Variants in OCA2 observed in about 807,000 individuals in gnomAD.
OCA2 encodes P protein.
In OCA2, 77 loss-of-function variants were observed where a neutral mutation model predicts 100.2. The observed-to-expected ratio is 0.77, with a 90% confidence interval of 0.64 to 0.93. The LOEUF (loss-of-function observed/expected upper bound fraction) is 0.93. Ranked by LOEUF, OCA2 falls within the 40% of genes least tolerant of loss-of-function variation. OCA2 has a pLI of 0.00. For synonymous variants in OCA2, 432 were observed against 439.2 expected (o/e 0.98, Z 0.21); for missense variants, 1,062 against 1,089.1 (o/e 0.98, Z 0.35).
At chr15:27,980,027 T>C (rs2140940952) in intron 14 of OCA2, among the ~76,000 whole-genome samples, 1 of 150,972 alleles carries the variant, frequency 6.6e-6, no homozygotes, top group East Asian at 2.0e-4. Flanking sequence ...TAATATACTT[T>C]AATTTCTTCC....
intron 7 of OCA2, among the ~76,000 whole-genome samples, chr15:28,016,806 T>A (rs1475159608): frequency 6.6e-6 from 1 of 152,202 alleles, no homozygotes; most frequent in Non-Finnish European, 1.5e-5. Flanking sequence ...TATAAATTTT[T>A]TTTAATTTAA....
At chr15:27,913,507 C>A (rs2038479785) in intron 19 of OCA2, among the ~76,000 whole-genome samples, 1 of 152,108 alleles carries the variant, frequency 6.6e-6, no homozygotes, top group African/African-American at 2.4e-5. Context: ...TATTTCTCCA[C>A]GTGTTTTGCA....
At chr15:28,069,401 T>TC (rs1566862582) in intron 2 of OCA2, among the ~76,000 whole-genome samples, 1 of 5,078 alleles carries the variant, frequency 2.0e-4, no homozygotes, top group Non-Finnish European at 3.0e-4. Context: ...CCCCTCCCCC[T>TC]CCCCTTCCCC....
At chr15:27,831,267 A>G (rs528325858) in intron 23 of OCA2, among the ~76,000 whole-genome samples, 2 of 116,102 alleles carry the variant, frequency 1.7e-5, no homozygotes, top group Non-Finnish European at 3.5e-5. Flanking sequence ...GCCTGGTGAC[A>G]GAGCGAGACT....
At position 27,768,477 on chromosome 15, in the gene OCA2, A is replaced by G. The variant is rs371570111; in HGVS notation, c.2433-13005T>C. Among the ~76,000 whole-genome samples the G allele has an allele frequency of 2.0e-5, 3 of 152,148 alleles. No homozygotes were observed. The East Asian group carries it at 5.8e-4, about 29-fold the overall frequency. On this transcript the variant is annotated intron_variant, in intron 23 of 23. Coordinates refer to ENST00000354638, the MANE Select transcript of OCA2 (RefSeq NM_000275.3). ...TCTCCTGCCTGGAATTTGTGATACA[A>G]AGAACAATGTATAGCGAATCAATAG...
At chr15:27,834,485 T>C (rs1323050799) in intron 23 of OCA2, among the ~76,000 whole-genome samples, 2 of 152,322 alleles carry the variant, frequency 1.3e-5, no homozygotes, top group East Asian at 1.9e-4. Context: ...CAGCGAACTA[T>C]TGAACCTGAG....
chr15:27,729,634 T>C, the OCA2 span, among the ~76,000 whole-genome samples: 5 of 152,200 alleles, frequency 3.3e-5, no homozygotes, highest in African/African-American at 1.2e-4. Flanking sequence ...AACCAGCAAC[T>C]GGAGCATCAC....
intron 23 of OCA2, among the ~76,000 whole-genome samples, chr15:27,837,896 A>G (rs994459120): frequency 2.0e-5 from 3 of 152,006 alleles, no homozygotes; most frequent in Non-Finnish European, 2.9e-5. Flanking sequence ...AAAAAAAAAA[A>G]AAAGAAAAAA....
At chr15:27,761,326 C>T (rs2030818521) in intron 23 of OCA2, among the ~76,000 whole-genome samples, 2 of 151,928 alleles carry the variant, frequency 1.3e-5, no homozygotes, top group Non-Finnish European at 2.9e-5. Context: ...AAATTAAAAA[C>T]ACAATACCAC....
chr15:27,951,799 T>C lies in OCA2; in HGVS notation c.1936A>G (p.Ile646Val), dbSNP rs1252019812. The change falls in exon 18 of 24, where the codon ATT becomes GTT. Residue 646 changes from isoleucine to valine, a missense_variant. Coordinates refer to ENST00000354638, the MANE Select transcript of OCA2 (RefSeq NM_000275.3). ...TTAGACTCACCAAGATCAAGATGAA[T>C]GCCAGGGACAAACGAATTGAGGAAA... is the stretch of plus-strand genomic sequence containing the variant. ...MFFLNSFVPG[I>V]HLDLGWIAIL... 1.2e-6 allele frequency: 2 copies of C among 1,610,720 alleles called. No homozygotes were observed. The highest frequency in any genetic ancestry group is 1.7e-6 in the Non-Finnish European group (2 of 1,177,000).
rs146197164 is a variant in OCA2, at chr15:27,947,230, A to G, written c.1951+4554T>C. 1.5e-3 allele frequency among the ~76,000 whole-genome samples: 227 copies of G among 152,320 alleles called. 1 individual carries two copies. Among genetic ancestry groups the G allele is most frequent in the African/African-American group, 5.0e-3 (209 of 41,570 alleles). ...GTGAGTTGGTTTTTCAGCAAAACTC[A>G]AGAGGCCCAAGGGGAAAGCTCTCCC... On this transcript the variant is annotated intron_variant, in intron 18 of 23. Transcript: ENST00000354638.
intron 19 of OCA2, among the ~76,000 whole-genome samples, chr15:27,917,666 G>C (rs932774384): frequency 2.4e-4 from 36 of 152,102 alleles, no homozygotes; most frequent in Admixed American, 6.5e-4. Flanking sequence ...GCTCATAGAG[G>C]GGGGAAGCAA....
chr15:27,866,333 G>A (rs2036322265), intron 21 of OCA2, among the ~76,000 whole-genome samples: 1 of 152,198 alleles, frequency 6.6e-6, no homozygotes, highest in African/African-American at 2.4e-5. Context: ...TGAAGATGAG[G>A]GTGTGTCTCG....
intron 23 of OCA2, among the ~76,000 whole-genome samples, chr15:27,837,724 G>A (rs561317700): frequency 1.3e-5 from 2 of 152,006 alleles, no homozygotes; most frequent in African/African-American, 4.8e-5. Context: ...CAGGTGACAG[G>A]CAGGCATGCA....
At chr15:27,847,103 C>A (rs1208950302) in intron 22 of OCA2, among the ~76,000 whole-genome samples, 1 of 152,224 alleles carries the variant, frequency 6.6e-6, no homozygotes, top group Non-Finnish European at 1.5e-5. Flanking sequence ...CAGCCATCCC[C>A]TTGCAGAAGT....
the OCA2 span, among the ~76,000 whole-genome samples, chr15:27,719,094 G>C: frequency 6.6e-6 from 1 of 152,184 alleles, no homozygotes; most frequent in Non-Finnish European, 1.5e-5. Context: ...GATTTAACTA[G>C]AGGGCTAATT....
In OCA2 at chr15:27,778,136, G is replaced by A. The variant is rs558480167; in HGVS notation, c.2433-22664C>T. ...ATCTCATTTTTTTAAAACTCAGGCA[G>A]ACCATGATTACAATGGCACTGGGGA... is the stretch of plus-strand genomic sequence containing the variant. On this transcript the variant is annotated intron_variant, in intron 23 of 23. Coordinates refer to ENST00000354638, the MANE Select transcript of OCA2 (RefSeq NM_000275.3). Among the ~76,000 whole-genome samples, 10 of 152,302 alleles carry A rather than the reference G, an allele frequency of 6.6e-5. No individual in the cohort carries two copies. In the South Asian group the frequency reaches 2.1e-3, roughly 32 times the overall value.
intron 23 of OCA2, among the ~76,000 whole-genome samples, chr15:27,832,772 A>C (rs930133703): frequency 1.3e-5 from 2 of 152,168 alleles, no homozygotes; most frequent in Non-Finnish European, 2.9e-5. Flanking sequence ...ATGACTATAA[A>C]AGAACAAACA....
the OCA2 span, among the ~76,000 whole-genome samples, chr15:27,738,902 T>G: frequency 6.6e-6 from 1 of 152,196 alleles, no homozygotes; most frequent in African/African-American, 2.4e-5. Context: ...TTTAAAAATA[T>G]GAAGGCATCA....
Sources: gnomAD v4.1 joint callset for allele counts (sites outside exome capture counted in the v4.1 genomes callset) on GRCh38, gnomAD v4.1.1 for gene constraint, MANE v1.5 for transcripts, NCBI Gene and HGNC (gene_info 2026-07-23, HGNC 2026-07-21) for gene names.